SOX6: variants seen among roughly 807,000 people sequenced by gnomAD.
The protein encoded by SOX6 is SRY-box transcription factor 6, also known as transcription factor SOX-6.
SOX6 carries 11 observed loss-of-function variants against 97.8 expected under a neutral mutation model. That is an observed-to-expected ratio of 0.11 (90% confidence interval 0.07 to 0.19). The LOEUF (loss-of-function observed/expected upper bound fraction) is 0.19, where lower values mean the gene tolerates loss of function less well. SOX6 is among the 10% of genes least tolerant of loss of function. The pLI, the probability that SOX6 is intolerant of heterozygous loss-of-function variation, is 1.00. For synonymous variants in SOX6, 360 were observed against 371.4 expected (o/e 0.97, Z 0.35); for missense variants, 810 against 1,039.5 (o/e 0.78, Z 3.04).
chr11:16,158,183 T>C (rs539621571), intron 6 of SOX6, among the ~76,000 whole-genome samples: 2 of 152,090 alleles, frequency 1.3e-5, no homozygotes, highest in African/African-American at 4.8e-5. Context: ...AACACATCTC[T>C]TCATTCTTGG....
chr11:16,033,204 A>C (rs1855428909), intron 12 of SOX6, among the ~76,000 whole-genome samples: 1 of 152,204 alleles, frequency 6.6e-6, no homozygotes, highest in African/African-American at 2.4e-5. Flanking sequence ...GGTTGCAAAC[A>C]ACAATAAGGG....
chr11:16,020,532 T>C (rs1224307291), intron 12 of SOX6, among the ~76,000 whole-genome samples: 5 of 152,144 alleles, frequency 3.3e-5, no homozygotes, highest in African/African-American at 1.2e-4. Flanking sequence ...CTCAATTTTC[T>C]ACAGTTCTCC....
intron 3 of SOX6, among the ~76,000 whole-genome samples, chr11:16,681,981 AC>A (rs1381258273): frequency 3.3e-5 from 5 of 152,238 alleles, no homozygotes; most frequent in Non-Finnish European, 7.3e-5. Flanking sequence ...TAGCCTAACA[AC>A]CAAAACAAGT....
At chr11:16,646,602 T>C (rs1302873196) in intron 3 of SOX6, among the ~76,000 whole-genome samples, 1 of 152,156 alleles carries the variant, frequency 6.6e-6, no homozygotes, top group African/African-American at 2.4e-5. Flanking sequence ...ACCCAATTTG[T>C]AGTCTTTTAT....
rs1405871409 is a variant in SOX6, at chr11:16,187,047, A to C, written c.536-92T>G. On this transcript the variant is annotated intron_variant, in intron 4 of 15. Transcript: ENST00000683767. Reference sequence around the variant, plus strand: ...GCAGAATTTAGAAAGGGACTATCCTAAGACATTTAAAGATCTGGGACAATG... The same window carrying C: ...GCAGAATTTAGAAAGGGACTATCCTCAGACATTTAAAGATCTGGGACAATG... The C allele has an allele frequency of 2.2e-6, 3 of 1,344,142 alleles. No homozygotes were observed. The African/African-American group carries it at 4.3e-5, about 19-fold the overall frequency. The allele number at this position is 1,344,142 out of a possible 1,614,324, so 83.3% of individuals were successfully genotyped here. A position where few individuals can be genotyped will look rare whatever the true frequency, so the allele number is the denominator to read the frequency against.
intron 7 of SOX6, among the ~76,000 whole-genome samples, chr11:16,102,825 C>T (rs1299406254): frequency 2.0e-5 from 3 of 151,208 alleles, no homozygotes; most frequent in Admixed American, 2.0e-4. Flanking sequence ...GCAAGCCACA[C>T]GTAGAATGAA....
chr11:16,536,814 G>A (rs992800389), intron 4 of SOX6, among the ~76,000 whole-genome samples: 9 of 152,332 alleles, frequency 5.9e-5, no homozygotes, highest in South Asian at 4.1e-4. Flanking sequence ...CAAACTGGGC[G>A]GAGCCCACCA....
At chr11:16,138,363 C>T (rs1387372747) in intron 6 of SOX6, among the ~76,000 whole-genome samples, 1 of 152,044 alleles carries the variant, frequency 6.6e-6, no homozygotes, top group African/African-American at 2.4e-5. Flanking sequence ...TTCAAAAAAT[C>T]AAGTGATTCT....
At chr11:16,454,220 A>G (rs1485996601) in intron 1 of SOX6, among the ~76,000 whole-genome samples, 1 of 152,108 alleles carries the variant, frequency 6.6e-6, no homozygotes, top group Non-Finnish European at 1.5e-5. Flanking sequence ...TGACCCCTGT[A>G]GCAGCAGCTG....
chr11:16,116,868 G>A (rs531546469), intron 6 of SOX6, among the ~76,000 whole-genome samples: 23 of 152,232 alleles, frequency 1.5e-4, no homozygotes, highest in South Asian at 1.0e-3. Context: ...CTGTGTATGC[G>A]AGGGACCTAG....
intron 4 of SOX6, among the ~76,000 whole-genome samples, chr11:16,520,004 G>A (rs1294853508): frequency 2.0e-5 from 3 of 152,110 alleles, no homozygotes; most frequent in Non-Finnish European, 4.4e-5. Flanking sequence ...CTTCTTTTGG[G>A]AAGTGTCTGT....
rs527648009 is a variant in SOX6, at chr11:16,271,277, T to C, written c.446-36606A>G. On this transcript the variant is annotated intron_variant, in intron 3 of 15. Coordinates refer to ENST00000683767, the MANE Select transcript of SOX6 (RefSeq NM_001367873.1). ...TGTGGTATTTGATTATACTTGCTCA[T>C]ATTTTATTTAGTATTTTTCCATCAA... Among the ~76,000 whole-genome samples, 5 of 151,570 alleles carry C rather than the reference T, an allele frequency of 3.3e-5. No homozygotes were observed. The East Asian group carries it at 9.6e-4, about 29-fold the overall frequency.
chr11:16,570,184 T>C lies in SOX6; in HGVS notation n.609+41897A>G, dbSNP rs533570298. Among the ~76,000 whole-genome samples, 2 of 152,158 alleles carry C rather than the reference T, an allele frequency of 1.3e-5. 1 individual carries two copies. The highest frequency in any genetic ancestry group is 1.3e-4 in the Admixed American group (2 of 15,268). ...CTTGAAGGTACAGTCTTACCACATA[T>C]TCTAGCAATTGATCGTATACTCTCT... On this transcript the variant is annotated intron_variant and non_coding_transcript_variant, in intron 4 of 5. Transcript: ENST00000524520.
chr11:16,028,944 G>A (rs1445657651), intron 12 of SOX6, among the ~76,000 whole-genome samples: 2 of 152,046 alleles, frequency 1.3e-5, no homozygotes, highest in African/African-American at 4.8e-5. Context: ...ATTATATTAG[G>A]AAAAAACAAG....
chr11:16,501,105 A>G (rs916978195), intron 4 of SOX6, among the ~76,000 whole-genome samples: 5 of 152,198 alleles, frequency 3.3e-5, no homozygotes, highest in African/African-American at 1.2e-4. Context: ...CTGGTACCAA[A>G]ACAGATATAT....
At chr11:16,505,403 G>A (rs1860769787) in intron 4 of SOX6, among the ~76,000 whole-genome samples, 1 of 152,156 alleles carries the variant, frequency 6.6e-6, no homozygotes, top group Admixed American at 6.5e-5. Flanking sequence ...TCAAGATGTG[G>A]CCTGGCTGCT....
chr11:16,038,711 T>C (rs1855579288), intron 12 of SOX6, among the ~76,000 whole-genome samples: 1 of 152,110 alleles, frequency 6.6e-6, no homozygotes, highest in Non-Finnish European at 1.5e-5. Context: ...AGTAAGTACT[T>C]AATACAAATG....
chr11:16,666,382 A>C (rs1454554347), intron 3 of SOX6, among the ~76,000 whole-genome samples: 1 of 152,262 alleles, frequency 6.6e-6, no homozygotes, highest in African/African-American at 2.4e-5. Context: ...GAAATAATTT[A>C]AAAGAATCAA....
At chr11:16,286,734 T>C (rs1854754659) in intron 3 of SOX6, among the ~76,000 whole-genome samples, 1 of 152,182 alleles carries the variant, frequency 6.6e-6, no homozygotes, top group African/African-American at 2.4e-5. Context: ...CCTGTGCTCA[T>C]GTTTCATATA....
Sources: allele counts gnomAD v4.1 joint callset (sites outside exome capture counted in the v4.1 genomes callset), GRCh38; gene constraint gnomAD v4.1.1; transcripts MANE v1.5; gene names NCBI Gene and HGNC (gene_info 2026-07-23, HGNC 2026-07-21).